Variants in PPFIBP1 observed in about 807,000 individuals in gnomAD.
PPFIBP1 encodes the protein liprin-beta-1.
A neutral mutation model predicts 137.8 loss-of-function variants in PPFIBP1; 112 were observed. The ratio of observed to expected loss-of-function variants is 0.81; its 90% CI spans 0.70 to 0.95. The LOEUF (loss-of-function observed/expected upper bound fraction) is 0.95. Ranked by LOEUF, PPFIBP1 falls within the 40% of genes least tolerant of loss-of-function variation. The pLI is 0.00. For synonymous variants in PPFIBP1, 378 were observed against 417.3 expected, an observed-to-expected ratio of 0.91 and a Z score of 1.15; for missense variants, 1,083 against 1,196.6, an observed-to-expected ratio of 0.91 and a Z score of 1.40.
At chr12:27,528,246 GT>G in intron 1 of PPFIBP1, among the ~76,000 whole-genome samples, 1 of 152,022 alleles carries the variant, frequency 6.6e-6, no homozygotes, top group South Asian at 2.1e-4. Flanking sequence ...ACCACGCCTG[GT>G]TATGCAGGGT....
At chr12:27,532,228 GGAGATGGGGGCAGAAA>G (rs1371585191) in intron 1 of PPFIBP1, among the ~76,000 whole-genome samples, 1 of 152,206 alleles carries the variant, frequency 6.6e-6, no homozygotes, top group African/African-American at 2.4e-5. Context: ...TTCACATACA[GGAGATGGGGGCAGAAA>G]GAGATGGCAC....
intron 2 of PPFIBP1, among the ~76,000 whole-genome samples, chr12:27,622,448 T>C (rs948947128): frequency 1.2e-4 from 19 of 152,256 alleles, no homozygotes; most frequent in Non-Finnish European, 2.5e-4. Context: ...ACATTTATTC[T>C]CAATTTCTGT....
At chr12:27,569,828 G>A (rs1176830975) in intron 1 of PPFIBP1, among the ~76,000 whole-genome samples, 1 of 152,002 alleles carries the variant, frequency 6.6e-6, no homozygotes, top group African/African-American at 2.4e-5. Flanking sequence ...CAAAGTGCTG[G>A]GATTACCGGT....
Position 27,650,160 on chromosome 12 carries a change from C to T in PPFIBP1, c.603+19C>T, listed in dbSNP as rs374269020. 6.4e-7 allele frequency: 1 copy of T among 1,573,860 alleles called. No individual in the cohort carries two copies. Among genetic ancestry groups the T allele is most frequent in the African/African-American group, 1.4e-5 (1 of 73,828 alleles). Reference sequence around the variant, plus strand: ...CACAGAGGTGAGTGATACAGTCTCTCCTCCCTCTCTCTCTCTCTCTGTCAC... The same window carrying T: ...CACAGAGGTGAGTGATACAGTCTCTTCTCCCTCTCTCTCTCTCTCTGTCAC... On this transcript the variant is annotated intron_variant, in intron 7 of 29. Transcript: ENST00000228425.
At position 27,682,371 on chromosome 12, in the gene PPFIBP1, A is replaced by C. The variant is rs759863487; in HGVS notation, c.2047-16A>C. The C allele has an allele frequency of 2.6e-6, 4 of 1,560,334 alleles. No individual in the cohort carries two copies. The Admixed American group carries it at 6.7e-5, about 26-fold the overall frequency. On this transcript the variant is annotated splice_polypyrimidine_tract_variant and intron_variant, in intron 22 of 29. Coordinates refer to ENST00000228425, the MANE Select transcript of PPFIBP1 (RefSeq NM_003622.4). ...CTATACAGATAGAATTATAAAGTCA[A>C]TGTTTATTGTTTCAGGAACTTGGAA...
At chr12:27,551,938 A>T (rs748915932) in intron 1 of PPFIBP1, among the ~76,000 whole-genome samples, 53 of 152,230 alleles carry the variant, frequency 3.5e-4, no homozygotes, top group Non-Finnish European at 7.3e-5. Context: ...CAGAACATCA[A>T]ATCATAATTG....
intron 2 of PPFIBP1, among the ~76,000 whole-genome samples, chr12:27,621,659 A>G (rs2056354113): frequency 6.6e-6 from 1 of 152,230 alleles, no homozygotes; most frequent in Non-Finnish European, 1.5e-5. Context: ...TGTATGGCCA[A>G]GAGTGTAACT....
chr12:27,660,600 T>G (rs993119733), intron 10 of PPFIBP1, among the ~76,000 whole-genome samples: 4 of 152,244 alleles, frequency 2.6e-5, no homozygotes, highest in Non-Finnish European at 1.5e-5. Context: ...TCATCTTCAG[T>G]GTTCTCATGA....
intron 1 of PPFIBP1, among the ~76,000 whole-genome samples, chr12:27,567,913 T>G (rs2049820260): frequency 6.6e-6 from 1 of 152,100 alleles, no homozygotes; most frequent in African/African-American, 2.4e-5. Flanking sequence ...TAAAAAAGTT[T>G]AAGAGGTGGG....
chr12:27,652,880 T>G (rs1446239329), intron 7 of PPFIBP1, among the ~76,000 whole-genome samples: 2 of 152,214 alleles, frequency 1.3e-5, no homozygotes, highest in Non-Finnish European at 2.9e-5. Context: ...GATTTTTTTC[T>G]TTAGACTTGA....
At chr12:27,626,808 T>C (rs1039063180) in intron 2 of PPFIBP1, among the ~76,000 whole-genome samples, 2 of 152,150 alleles carry the variant, frequency 1.3e-5, no homozygotes, top group African/African-American at 4.8e-5. Flanking sequence ...TCAAGTGGTC[T>C]GCCCACCTCA....
chr12:27,690,219 T>G (rs2061448624), intron 27 of PPFIBP1, among the ~76,000 whole-genome samples: 1 of 151,994 alleles, frequency 6.6e-6, no homozygotes, highest in Non-Finnish European at 1.5e-5. Context: ...AAACCCCACA[T>G]ATAGGGAGGC....
chr12:27,600,955 C>A (rs147906398), intron 2 of PPFIBP1, among the ~76,000 whole-genome samples: 199 of 152,258 alleles, frequency 1.3e-3, no homozygotes, highest in Non-Finnish European at 2.2e-3. Context: ...AAATATTTAT[C>A]ATTTTTTTGT....
At chr12:27,659,604 T>A (rs1182615522) in intron 10 of PPFIBP1, among the ~76,000 whole-genome samples, 1 of 151,536 alleles carries the variant, frequency 6.6e-6, no homozygotes. Flanking sequence ...GAGGCTGCAG[T>A]GAGCTATGAT....
At chr12:27,595,852 T>TCAACAACAACAACAACAA (rs1235600375) in intron 2 of PPFIBP1, among the ~76,000 whole-genome samples, 1 of 126,606 alleles carries the variant, frequency 7.9e-6, no homozygotes, top group Non-Finnish European at 1.6e-5. Flanking sequence ...GACACTCTGA[T>TCAACAACAACAACAACAA]CAACAACAAC....
intron 8 of PPFIBP1, chr12:27,655,342 G>A (rs1279259920): frequency 1.4e-5 from 11 of 765,826 alleles, no homozygotes; most frequent in African/African-American, 1.2e-4. Flanking sequence ...CTGTGTGTGT[G>A]TCACCTGTTG....
In PPFIBP1 at chr12:27,558,192, C is replaced by A. The variant is rs80013655; in HGVS notation, c.-123-19960C>A. ...TTAGACATTTTATTGTTTACAAATGCTTTATTAGTATGCTCACATATTCTC... is the reference window on the plus strand; with the variant it reads ...TTAGACATTTTATTGTTTACAAATGATTTATTAGTATGCTCACATATTCTC... On this transcript the variant is annotated intron_variant, in intron 1 of 29. Coordinates refer to ENST00000228425, the MANE Select transcript of PPFIBP1 (RefSeq NM_003622.4). 1.3e-3 allele frequency among the ~76,000 whole-genome samples: 196 copies of A among 151,762 alleles called. 1 individual carries two copies. The East Asian group carries it at 0.025, about 19-fold the overall frequency.
Position 27,633,287 on chromosome 12 carries a change from T to C in PPFIBP1, c.-35-75T>C. Reference sequence around the variant, plus strand: ...TTTGACTACACAGCAGAGTTATCATTTGAAGGTGAATTAGAAACCCACTAG... The same window carrying C: ...TTTGACTACACAGCAGAGTTATCATCTGAAGGTGAATTAGAAACCCACTAG... On this transcript the variant is annotated intron_variant, in intron 2 of 29. Coordinates refer to ENST00000228425, the MANE Select transcript of PPFIBP1 (RefSeq NM_003622.4). 4 of 980,272 alleles carry C rather than the reference T, an allele frequency of 4.1e-6. No individual in the cohort carries two copies. In the South Asian group the frequency reaches 4.4e-5, roughly 11 times the overall value. 60.7% of individuals were successfully genotyped at this position (980,272 alleles called of 1,614,324 possible).
At chr12:27,568,457 C>T (rs1336323021) in intron 1 of PPFIBP1, among the ~76,000 whole-genome samples, 2 of 152,206 alleles carry the variant, frequency 1.3e-5, no homozygotes, top group African/African-American at 2.4e-5. Context: ...GCCAGTGTTA[C>T]ATCTTTCTTC....
Sources: gnomAD v4.1 joint callset for allele counts (sites outside exome capture counted in the v4.1 genomes callset) on GRCh38, gnomAD v4.1.1 for gene constraint, MANE v1.5 for transcripts, NCBI Gene and HGNC (gene_info 2026-07-23, HGNC 2026-07-21) for gene names.